GRK3: variants seen among roughly 807,000 people sequenced by gnomAD.
GRK3 encodes adrenergic, beta, receptor kinase 2.
A neutral mutation model predicts 95.7 loss-of-function variants in GRK3; 54 were observed. The observed-to-expected ratio is 0.56, with a 90% confidence interval of 0.45 to 0.71. The LOEUF (loss-of-function observed/expected upper bound fraction) is 0.71, where lower values mean the gene tolerates loss of function less well. GRK3 is among the 30% of genes least tolerant of loss of function. GRK3 has a pLI of 0.00. For missense variants in GRK3, 649 were observed against 851.2 expected (o/e 0.76, Z 2.96); for synonymous variants, 281 against 290.8 (o/e 0.97, Z 0.34).
At chr22:25,595,172 G>GA (rs2084364140) in intron 1 of GRK3, among the ~76,000 whole-genome samples, 2 of 152,050 alleles carry the variant, frequency 1.3e-5, no homozygotes, top group South Asian at 4.1e-4. Context: ...TCAGGCAAGA[G>GA]AAAAAATAGA....
At chr22:25,703,669 T>C in intron 14 of GRK3, 93 bp downstream of exon 14, 1 of 945,918 alleles carries the variant, frequency 1.1e-6, no homozygotes, top group Non-Finnish European at 1.6e-6. Flanking sequence ...TAAAATGTTA[T>C]AGGAAATATA....
intron 12 of GRK3, among the ~76,000 whole-genome samples, chr22:25,694,104 A>G (rs2085187715): frequency 6.6e-6 from 1 of 152,106 alleles, no homozygotes; most frequent in South Asian, 2.1e-4. Flanking sequence ...AAATTCTTAC[A>G]CTAAGATAAG....
At chr22:25,675,253 A>G (rs1018027577) in intron 8 of GRK3, among the ~76,000 whole-genome samples, 2 of 152,202 alleles carry the variant, frequency 1.3e-5, no homozygotes, top group Non-Finnish European at 2.9e-5. Flanking sequence ...CCGTTGTGGC[A>G]TTTCAGATGC....
Position 25,714,420 on chromosome 22 carries a change from G to A in GRK3, c.1504G>A (p.Asp502Asn), listed in dbSNP as rs1053809653. 3.8e-6 allele frequency: 6 copies of A among 1,597,656 alleles called. No homozygotes were observed. The highest frequency in any genetic ancestry group is 3.5e-5 in the South Asian group (3 of 86,546). ...TTAAAATAATCAGCTACTTGATTGC[G>A]ACCAAGAACTCTACAAGAACTTCCC... ...DTKGIKLLDC[D>N]QELYKNFPLV... Residue 502 changes from aspartate to asparagine, a missense_variant, in exon 18 of 21, where the codon GAC (aspartate) becomes AAC (asparagine). This residue lies in a region of GRK3 where 382 missense variants were observed against 493.8 expected (regional missense o/e 0.77). Transcript: ENST00000324198.
rs1436012600 is a variant in GRK3, at chr22:25,590,375, GATT to G, written c.114-14001_114-13999del. Among the ~76,000 whole-genome samples, 4 of 152,000 alleles carry G rather than the reference GATT, an allele frequency of 2.6e-5. No homozygotes were observed. The East Asian group carries it at 7.7e-4, about 29-fold the overall frequency. On this transcript the variant is annotated intron_variant, in intron 1 of 20. Coordinates refer to ENST00000324198, the MANE Select transcript of GRK3 (RefSeq NM_005160.4). ...TTAATAAGGTCCATACATTATGCCT[GATT>G]GTTATTTCTTTTGATTCTTTTTTGA... is the stretch of plus-strand genomic sequence containing the variant.
chr22:25,653,739 G>A (rs2084850496), intron 3 of GRK3, among the ~76,000 whole-genome samples: 1 of 152,126 alleles, frequency 6.6e-6, no homozygotes, highest in Non-Finnish European at 1.5e-5. Context: ...TGTTGCCCAG[G>A]CAATGCAGTG....
chr22:25,580,916 G>A (rs1932077582), intron 1 of GRK3, among the ~76,000 whole-genome samples: 1 of 152,162 alleles, frequency 6.6e-6, no homozygotes, highest in African/African-American at 2.4e-5. Flanking sequence ...GTTGAACCAG[G>A]AGTTCGAGAC....
chr22:25,668,548 T>G (rs957745555), intron 6 of GRK3, among the ~76,000 whole-genome samples: 10 of 152,256 alleles, frequency 6.6e-5, no homozygotes, highest in African/African-American at 2.4e-4. Context: ...AAAGTTGTGT[T>G]GCAATTCTAT....
At chr22:25,584,985 A>G (rs1176057577) in intron 1 of GRK3, among the ~76,000 whole-genome samples, 36 of 152,284 alleles carry the variant, frequency 2.4e-4, no homozygotes, top group Non-Finnish European at 2.1e-4. Flanking sequence ...CCAGTCACCA[A>G]GCTTTTTAGA....
intron 2 of GRK3, among the ~76,000 whole-genome samples, chr22:25,625,420 G>A (rs554163706): frequency 7.9e-5 from 12 of 152,328 alleles, no homozygotes; most frequent in Admixed American, 7.2e-4. Flanking sequence ...TGCCCAGACA[G>A]GGCCACCAGA....
intron 2 of GRK3, among the ~76,000 whole-genome samples, chr22:25,638,630 A>G (rs2084720972): frequency 1.3e-5 from 2 of 152,174 alleles, no homozygotes; most frequent in Non-Finnish European, 1.5e-5. Flanking sequence ...CACAGGCCAT[A>G]GTAATAGTGG....
In GRK3 at chr22:25,653,144, G is replaced by A. The variant is rs150247223; in HGVS notation, c.265-8432G>A. Among the ~76,000 whole-genome samples, 17 of 152,238 alleles carry A rather than the reference G, an allele frequency of 1.1e-4. No individual in the cohort carries two copies. The East Asian group carries it at 3.1e-3, about 28-fold the overall frequency. On this transcript the variant is annotated intron_variant, in intron 3 of 20. Coordinates refer to ENST00000324198, the MANE Select transcript of GRK3 (RefSeq NM_005160.4). ...AAAGGCAAAAAAAGGAATATAAGTA[G>A]GACATAAAATAGGTGGGTCAAATTG...
intron 19 of GRK3, among the ~76,000 whole-genome samples, chr22:25,720,679 C>T (rs975559606): frequency 6.6e-6 from 1 of 151,846 alleles, no homozygotes; most frequent in Non-Finnish European, 1.5e-5. Flanking sequence ...GTTTCACCAT[C>T]TTGGCCAGGT....
At chr22:25,627,506 C>G (rs1333501571) in intron 2 of GRK3, among the ~76,000 whole-genome samples, 1 of 152,200 alleles carries the variant, frequency 6.6e-6, no homozygotes, top group African/African-American at 2.4e-5. Context: ...TTTCTCCTGA[C>G]TCTATAGCCC....
intron 13 of GRK3, among the ~76,000 whole-genome samples, chr22:25,696,406 A>T (rs2085209341): frequency 6.6e-6 from 1 of 152,220 alleles, no homozygotes; most frequent in East Asian, 1.9e-4. Context: ...AGTAGAAAAG[A>T]TTATGAGAGG....
At chr22:25,638,609 TTGACTTTAA>T (rs2084720785) in intron 2 of GRK3, among the ~76,000 whole-genome samples, 1 of 152,228 alleles carries the variant, frequency 6.6e-6, no homozygotes, top group South Asian at 2.1e-4. Context: ...TAGTTTTCCC[TTGACTTTAA>T]TCACAGGCCA....
chr22:25,679,023 G>A, intron 9 of GRK3, 108 bp downstream of exon 9: 1 of 718,744 alleles, frequency 1.4e-6, no homozygotes, highest in South Asian at 2.0e-5. Context: ...TGAGTTCTTG[G>A]GTGGGTTAGA....
chr22:25,714,463 G>A lies in GRK3; in HGVS notation c.1547G>A (p.Arg516His), dbSNP rs2085367884. Reference sequence around the variant, plus strand: ...AACTTCCCTTTGGTCATCTCTGAACGCTGGCAGCAAGAAGTAACGGAAACA... The same window carrying A: ...AACTTCCCTTTGGTCATCTCTGAACACTGGCAGCAAGAAGTAACGGAAACA... Reference protein sequence around the residue: ...YKNFPLVISERWQQEVTETVY... With the variant: ...YKNFPLVISEHWQQEVTETVY... The change falls in exon 18 of 21, where the codon CGC becomes CAC. Residue 516 changes from arginine (R) to histidine (H), a missense_variant. Arg to His is a conservative substitution (Grantham distance 29, BLOSUM62 0). Coordinates refer to ENST00000324198, the MANE Select transcript of GRK3 (RefSeq NM_005160.4). 2 of 1,613,926 alleles carry A rather than the reference G, an allele frequency of 1.2e-6. No individual in the cohort carries two copies. Among genetic ancestry groups the A allele is most frequent in the Non-Finnish European group, 1.7e-6 (2 of 1,179,934 alleles).
intron 15 of GRK3, among the ~76,000 whole-genome samples, chr22:25,709,274 T>A (rs1189033935): frequency 5.9e-5 from 9 of 151,778 alleles, no homozygotes; most frequent in Admixed American, 2.6e-4. Flanking sequence ...CCTGACCTCG[T>A]GATCTGCCCG....
Sources: gnomAD v4.1 joint callset for allele counts (sites outside exome capture counted in the v4.1 genomes callset) on GRCh38, gnomAD v4.1.1 for gene constraint, gnomAD v4.1.1 regional missense constraint, MANE v1.5 for transcripts, NCBI Gene and HGNC (gene_info 2026-07-23, HGNC 2026-07-21) for gene names.